Variants in KCNQ5 observed in about 807,000 individuals in gnomAD.
KCNQ5 encodes potassium voltage-gated channel subfamily Q member 5.
A neutral mutation model predicts 98.2 loss-of-function variants in KCNQ5; 30 were observed. The ratio of observed to expected loss-of-function variants is 0.31; its 90% confidence interval spans 0.23 to 0.41. The LOEUF (loss-of-function observed/expected upper bound fraction) is 0.41. Among genes scored for constraint, KCNQ5 ranks in the 10% least tolerant of loss-of-function variants. The pLI is 1.00. For synonymous variants in KCNQ5, 458 were observed against 449.4 expected (o/e 1.02, Z -0.24); for missense variants, 835 against 1,182.5 (o/e 0.71, Z 4.31).
intron 3 of KCNQ5, among the ~76,000 whole-genome samples, chr6:73,047,574 G>A (rs1279820694): frequency 2.0e-5 from 3 of 152,218 alleles, no homozygotes; most frequent in Non-Finnish European, 2.9e-5. Flanking sequence ...TGGACCACAT[G>A]AAGAAAATTT....
intron 1 of KCNQ5, among the ~76,000 whole-genome samples, chr6:72,905,997 G>T (rs867152147): frequency 4.6e-5 from 7 of 152,230 alleles, no homozygotes; most frequent in South Asian, 2.1e-4. Flanking sequence ...TACCTGGGTG[G>T]GTAGGGAAAG....
chr6:73,095,541 T>C (rs962557590), intron 5 of KCNQ5, among the ~76,000 whole-genome samples: 4 of 152,152 alleles, frequency 2.6e-5, no homozygotes, highest in Non-Finnish European at 5.9e-5. Context: ...TTCCTTCTTA[T>C]TTGGGTAGGC....
chr6:72,744,819 A>G (rs74704716), intron 1 of KCNQ5, among the ~76,000 whole-genome samples: 1 of 152,016 alleles, frequency 6.6e-6, no homozygotes, highest in East Asian at 1.9e-4. Flanking sequence ...AAAAAAAAAA[A>G]GAAAAAGAAA....
At position 73,091,723 on chromosome 6, in the gene KCNQ5, T is replaced by TG. The variant is rs36132720; in HGVS notation, c.919-13534_919-13533insG. 5.5e-4 allele frequency among the ~76,000 whole-genome samples: 11 copies of TG among 20,048 alleles called. No homozygotes were observed. The Non-Finnish European group carries it at 6.9e-3, about 13-fold the overall frequency. 13.2% of individuals were successfully genotyped at this position (20,048 alleles called of 152,430 possible). On this transcript the variant is annotated intron_variant, in intron 5 of 13. Transcript: ENST00000370398. ...GCCTCCAGGTTTGGTTGGGTTTGTT[T>TG]TTGTTGTTGTTGTTGTTGTTTGGTT...
chr6:72,643,230 A>G (rs1195022058), intron 1 of KCNQ5, among the ~76,000 whole-genome samples: 1 of 152,140 alleles, frequency 6.6e-6, no homozygotes, highest in Non-Finnish European at 1.5e-5. Flanking sequence ...TACCTAAATA[A>G]CAAACCTGCA....
intron 1 of KCNQ5, among the ~76,000 whole-genome samples, chr6:72,701,549 T>G (rs905940699): frequency 1.3e-5 from 2 of 152,070 alleles, no homozygotes; most frequent in African/African-American, 2.4e-5. Context: ...AATAGAGACT[T>G]GTGGGGGCGG....
At chr6:72,970,915 A>G (rs1171025457) in intron 1 of KCNQ5, among the ~76,000 whole-genome samples, 2 of 152,214 alleles carry the variant, frequency 1.3e-5, no homozygotes, top group African/African-American at 4.8e-5. Flanking sequence ...AACCTAGGCA[A>G]TACCATTCAG....
intron 1 of KCNQ5, among the ~76,000 whole-genome samples, chr6:72,818,040 A>G (rs998387109): frequency 1.6e-4 from 25 of 152,188 alleles, no homozygotes; most frequent in African/African-American, 5.6e-4. Context: ...ATGTAACACT[A>G]TGAAAGATTT....
chr6:72,683,819 G>T (rs1767825017), intron 1 of KCNQ5, among the ~76,000 whole-genome samples: 3 of 150,772 alleles, frequency 2.0e-5, no homozygotes, highest in Non-Finnish European at 2.9e-5. Context: ...GATGAATAAA[G>T]TAATTATGTC....
At chr6:73,105,143 C>A in intron 5 of KCNQ5, 114 bp from the exon 6 acceptor site, 1 of 561,758 alleles carries the variant, frequency 1.8e-6, no homozygotes, top group Non-Finnish European at 3.2e-6. Context: ...ATAAAAAGCA[C>A]GAACAAGATT....
intron 1 of KCNQ5, among the ~76,000 whole-genome samples, chr6:72,667,402 C>CT (rs1478541733): frequency 2.6e-5 from 4 of 152,180 alleles, no homozygotes; most frequent in African/African-American, 9.6e-5. Flanking sequence ...AGGCCTTTGC[C>CT]TTTTTTTGTT....
chr6:73,070,893 C>T (rs1284337839), intron 3 of KCNQ5, among the ~76,000 whole-genome samples: 1 of 152,060 alleles, frequency 6.6e-6, no homozygotes, highest in Non-Finnish European at 1.5e-5. Context: ...CTACCTTTAC[C>T]ACAAAGACTA....
At chr6:73,130,144 T>G (rs74688588) in intron 9 of KCNQ5, among the ~76,000 whole-genome samples, 2 of 152,228 alleles carry the variant, frequency 1.3e-5, no homozygotes, top group African/African-American at 4.8e-5. Flanking sequence ...TGGATTGTTA[T>G]GGCTCAGTTG....
chr6:72,731,610 C>T (rs1770557516), intron 1 of KCNQ5, among the ~76,000 whole-genome samples: 1 of 152,174 alleles, frequency 6.6e-6, no homozygotes, highest in Admixed American at 6.5e-5. Flanking sequence ...CCAACATGCA[C>T]ATTTCAGGCA....
chr6:72,643,648 CA>C (rs199782607), intron 1 of KCNQ5, among the ~76,000 whole-genome samples: 1 of 151,550 alleles, frequency 6.6e-6, no homozygotes, highest in East Asian at 1.9e-4. Context: ...TTCAAATTTT[CA>C]AAAAAAACCT....
intron 1 of KCNQ5, among the ~76,000 whole-genome samples, chr6:72,752,279 A>C (rs954222585): frequency 2.0e-5 from 3 of 152,138 alleles, no homozygotes; most frequent in Admixed American, 6.6e-5. Flanking sequence ...GCTATGTGCA[A>C]GGAGATAAAG....
rs1016835783 is a variant in KCNQ5, at chr6:72,981,070, A to G, written c.399-22838A>G. Among the ~76,000 whole-genome samples, 4 of 152,138 alleles carry G rather than the reference A, an allele frequency of 2.6e-5. No homozygotes were observed. In the South Asian group the frequency reaches 8.3e-4, roughly 32 times the overall value. ...TGCTGATTTGGTTTGCCAGTATTTT[A>G]TTGAGGATTTTCTCATCGATATTCC... On this transcript the variant is annotated intron_variant, in intron 1 of 13. Transcript: ENST00000370398.
chr6:73,187,326 T>C (rs1554219737), intron 11 of KCNQ5, among the ~76,000 whole-genome samples: 1 of 152,208 alleles, frequency 6.6e-6, no homozygotes, highest in Non-Finnish European at 1.5e-5. Context: ...CCCAAAGTGC[T>C]AGGATTACAG....
intron 11 of KCNQ5, among the ~76,000 whole-genome samples, chr6:73,189,410 T>C (rs190820303): frequency 6.6e-6 from 1 of 152,300 alleles, no homozygotes; most frequent in East Asian, 1.9e-4. Context: ...CAAGGTAGGG[T>C]TTAGGCTTTT....
Sources: gnomAD v4.1 joint callset for allele counts (sites outside exome capture counted in the v4.1 genomes callset) on GRCh38, gnomAD v4.1.1 for gene constraint, MANE v1.5 for transcripts, NCBI Gene and HGNC (gene_info 2026-07-23, HGNC 2026-07-21) for gene names.